Variants in KRT7 observed in about 807,000 individuals in gnomAD.
KRT7 encodes keratin 7.
Under a neutral mutation model 42.8 loss-of-function variants are expected in KRT7, and 50 were observed. The ratio of observed to expected loss-of-function variants is 1.17; its 90% confidence interval spans 0.93 to 1.48. The LOEUF is 1.48. Among genes scored for constraint, KRT7 ranks in the 40% most tolerant of loss-of-function variants. KRT7 has a pLI of 0.00. For synonymous variants in KRT7, 268 were observed against 266.3 expected (o/e 1.01, Z -0.06); for missense variants, 588 against 637.6 (o/e 0.92, Z 0.84).
downstream of KRT7, chr12:52,255,358 A>G (rs774282229): frequency 1.1e-5 from 5 of 456,698 alleles, no homozygotes; most frequent in South Asian, 1.5e-5. Context: ...ACCTTCTTCA[A>G]GGCCACAAAT....
intron 7 of KRT7, 106 bp from the exon 8 acceptor site, chr12:52,248,071 G>A: frequency 9.0e-7 from 1 of 1,114,508 alleles, no homozygotes; most frequent in Non-Finnish European, 1.4e-6. Flanking sequence ...GGGGCAAGAA[G>A]GAAAAATCAA....
downstream of KRT7, chr12:52,252,300 G>A (rs762533703): frequency 1.5e-5 from 24 of 1,613,870 alleles, no homozygotes; most frequent in South Asian, 1.1e-4. Flanking sequence ...TGTAGGTGGC[G>A]ATCTCAAAGT....
intron 3 of KRT7, 153 bp downstream of exon 3, chr12:52,237,722 G>GTGTT: frequency 7.0e-5 from 37 of 529,860 alleles, no homozygotes; most frequent in Non-Finnish European, 8.5e-5. Flanking sequence ...CTGTGGGTGC[G>GTGTT]TGTATGTGTG....
intron 2 of KRT7, among the ~76,000 whole-genome samples, chr12:52,236,212 T>G (rs1942010971): frequency 7.8e-6 from 1 of 127,850 alleles, no homozygotes; most frequent in Non-Finnish European, 1.7e-5. Context: ...CCCCCAACAC[T>G]CCCACTTCCC....
Position 52,235,352 on chromosome 12 carries a change from G to A in KRT7, c.522G>A (p.Glu174=). Residue 174 remains glutamate (E), a synonymous_variant, in exon 2 of 9, where the codon GAG becomes GAA. Transcript: ENST00000331817. ...TGCGGAGCATGCAGGATGTGGTGGA[G>A]GACTTCAAGAATAAGTAATGCCCCC... ...AELRSMQDVV[E]DFKNKYEDEI... is the part of the protein sequence containing the mutation. The A allele has an allele frequency of 3.1e-6, 5 of 1,611,088 alleles. No individual in the cohort carries two copies. The highest frequency in any genetic ancestry group is 1.1e-5 in the South Asian group (1 of 90,914).
downstream of KRT7, among the ~76,000 whole-genome samples, chr12:52,252,788 T>G (rs10876255): frequency 1.3e-5 from 2 of 152,338 alleles, no homozygotes; most frequent in South Asian, 4.1e-4. Context: ...CAGTTTACCA[T>G]AGTCCCTATC....
At chr12:52,242,433 A>G (rs1942106370) in intron 5 of KRT7, among the ~76,000 whole-genome samples, 2 of 152,130 alleles carry the variant, frequency 1.3e-5, no homozygotes, top group Non-Finnish European at 2.9e-5. Flanking sequence ...TGGTGGCAGG[A>G]CAGTTGATGG....
intron 6 of KRT7, among the ~76,000 whole-genome samples, chr12:52,244,081 GT>G (rs988496000): frequency 6.6e-5 from 10 of 152,254 alleles, no homozygotes; most frequent in African/African-American, 2.4e-4. Flanking sequence ...GGTGTCTGCA[GT>G]GGAGAGAGGG....
chr12:52,234,946 C>T (rs554429493), intron 1 of KRT7, among the ~76,000 whole-genome samples: 13 of 152,328 alleles, frequency 8.5e-5, no homozygotes, highest in Admixed American at 7.2e-4. Flanking sequence ...AACCACGGGG[C>T]ACTTCCGTGC....
chr12:52,236,752 G>T (rs1592389126), intron 2 of KRT7, among the ~76,000 whole-genome samples: 1 of 152,052 alleles, frequency 6.6e-6, no homozygotes, highest in South Asian at 2.1e-4. Flanking sequence ...CTTTTTTTGA[G>T]TCTCAACATA....
chr12:52,255,200 C>T (rs570009506), downstream of KRT7: 87 of 344,558 alleles, frequency 2.5e-4, no homozygotes, highest in East Asian at 2.2e-3. Context: ...GAAGCTGGGC[C>T]GTGTGATTCT....
At chr12:52,241,083 T>C (rs1942081424) in intron 4 of KRT7, among the ~76,000 whole-genome samples, 1 of 152,114 alleles carries the variant, frequency 6.6e-6, no homozygotes, top group Non-Finnish European at 1.5e-5. Flanking sequence ...TGGAGCCATA[T>C]CATCGGTGTA....
chr12:52,250,438 G>A, downstream of KRT7: 2 of 474,546 alleles, frequency 4.2e-6, no homozygotes, highest in Non-Finnish European at 8.0e-6. Context: ...TGCTGCTGGT[G>A]AGGCGGCGTC....
chr12:52,248,481 AG>A (rs1198324187), intron 8 of KRT7, 109 bp from the exon 9 acceptor site: 3 of 1,117,312 alleles, frequency 2.7e-6, no homozygotes, highest in Non-Finnish European at 3.8e-6. Context: ...GGAGGGGGGC[AG>A]GGGTGAGGGA....
At chr12:52,248,980 G>T, downstream of KRT7, 1 of 417,590 alleles carries the variant, frequency 2.4e-6, no homozygotes, top group Non-Finnish European at 4.2e-6. Context: ...ACTAGAGAAG[G>T]CAGGGTCTCC....
At chr12:52,242,786 G>A (rs1942112159) in intron 5 of KRT7, among the ~76,000 whole-genome samples, 1 of 152,124 alleles carries the variant, frequency 6.6e-6, no homozygotes, top group Non-Finnish European at 1.5e-5. Context: ...GGGTCCATGG[G>A]GATGGGACTG....
downstream of KRT7, among the ~76,000 whole-genome samples, chr12:52,250,127 A>C (rs528940670): frequency 5.8e-4 from 88 of 152,294 alleles, no homozygotes; most frequent in South Asian, 0.018. Flanking sequence ...ATTGGATTAG[A>C]AGGCACAGCA....
At chr12:52,250,429 G>A, downstream of KRT7, 1 of 460,456 alleles carries the variant, frequency 2.2e-6, no homozygotes, top group Non-Finnish European at 4.1e-6. Context: ...GGCAGAGGCT[G>A]CTGCTGGTGA....
In KRT7 at chr12:52,234,136, G is replaced by GGA. The variant is rs1555181968; in HGVS notation, c.324+517_324+518insAG. 4.9e-5 allele frequency among the ~76,000 whole-genome samples: 7 copies of GGA among 143,900 alleles called. 1 individual carries two copies. The highest frequency in any genetic ancestry group is 1.8e-4 in the African/African-American group (7 of 39,320). The allele number at this position is 143,900 out of a possible 152,430, so 94.4% of individuals were successfully genotyped here. A position where few individuals can be genotyped will look rare whatever the true frequency, so the allele number is the denominator to read the frequency against. ...GTCGGTGGGGCGGGGGAGGGGGGGG[G>GGA]GCTCCCGCCCCTCCCCTCCCCCACC... is the stretch of plus-strand genomic sequence containing the variant. On this transcript the variant is annotated intron_variant, in intron 1 of 8. Transcript: ENST00000331817.
Sources: allele counts gnomAD v4.1 joint callset (sites outside exome capture counted in the v4.1 genomes callset), GRCh38; gene constraint gnomAD v4.1.1; transcripts MANE v1.5; gene names NCBI Gene and HGNC (gene_info 2026-07-23, HGNC 2026-07-21).